The following PHF14 variants were observed in gnomAD, a reference collection of about 807,000 sequenced individuals.
PHF14 encodes the protein PHD finger protein 14.
PHF14 carries 55 observed loss-of-function variants against 117.9 expected under a neutral mutation model. The ratio of observed to expected loss-of-function variants is 0.47; its 90% CI spans 0.38 to 0.58. The LOEUF (loss-of-function observed/expected upper bound fraction) is 0.58, where lower values mean the gene tolerates loss of function less well. Among genes scored for constraint, PHF14 ranks in the 20% least tolerant of loss-of-function variants. The pLI is 0.00. For synonymous variants in PHF14, 409 were observed against 368.6 expected, an observed-to-expected ratio of 1.11 and a Z score of -1.26; for missense variants, 978 against 1,122.2, an observed-to-expected ratio of 0.87 and a Z score of 1.84.
At chr7:10,976,896 T>A (rs1218447734) in intron 2 of PHF14, among the ~76,000 whole-genome samples, 3 of 150,594 alleles carry the variant, frequency 2.0e-5, no homozygotes, top group African/African-American at 7.3e-5. Context: ...AAATTTGTGA[T>A]CTGTGGTCTC....
At chr7:11,059,323 C>T (rs1562444684) in intron 14 of PHF14, among the ~76,000 whole-genome samples, 1 of 152,158 alleles carries the variant, frequency 6.6e-6, no homozygotes, top group South Asian at 2.1e-4. Flanking sequence ...CTACATGATA[C>T]ATTTGCTAGT....
At chr7:11,037,697 T>C (rs1246638394) in intron 10 of PHF14, among the ~76,000 whole-genome samples, 1 of 152,192 alleles carries the variant, frequency 6.6e-6, no homozygotes, top group Non-Finnish European at 1.5e-5. Flanking sequence ...TAAAATGTTA[T>C]ACCAAGTATA....
Position 11,169,453 on chromosome 7 carries a change from A to G in PHF14, c.2810A>G (p.Gln937Arg), listed in dbSNP as rs1313389451. The stretch of plus-strand genomic sequence containing the variant: ...GAAGCTGAAAGAAAAAATATATCTC[A>G]GGAGCTCAACATGGAACAGAAAAAT... Reference protein sequence around the residue: ...ENEAERKNISQELNMEQKNPK... With the variant: ...ENEAERKNISRELNMEQKNPK... Residue 937 changes from glutamine (Q) to arginine (R), a missense_variant, in exon 18 of 18, where the codon CAG (glutamine) becomes CGG (arginine). Gln to Arg is a conservative substitution (Grantham distance 43). Transcript: ENST00000634607. 1.3e-6 allele frequency: 2 copies of G among 1,521,536 alleles called. No homozygotes were observed. Among genetic ancestry groups the G allele is most frequent in the Admixed American group, 2.0e-5 (1 of 49,176 alleles). 94.3% of individuals were successfully genotyped at this position (1,521,536 alleles called of 1,614,324 possible).
intron 17 of PHF14, among the ~76,000 whole-genome samples, chr7:11,121,928 T>C (rs1435453391): frequency 6.6e-6 from 1 of 151,860 alleles, no homozygotes; most frequent in African/African-American, 2.4e-5. Flanking sequence ...ACATGTGCCA[T>C]GGTGGTTTGC....
chr7:11,036,282 C>T, intron 8 of PHF14, 136 bp from the exon 9 acceptor site: 1 of 699,666 alleles, frequency 1.4e-6, no homozygotes, highest in South Asian at 1.9e-5. Context: ...AAGGATCATT[C>T]ATACCTATAA....
chr7:11,054,599 C>T (rs1416234311), intron 14 of PHF14, among the ~76,000 whole-genome samples: 1 of 152,002 alleles, frequency 6.6e-6, no homozygotes, highest in African/African-American at 2.4e-5. Flanking sequence ...CTTTTTTAAT[C>T]AATAGGTGGT....
intron 6 of PHF14, among the ~76,000 whole-genome samples, chr7:11,025,422 A>G (rs1052890329): frequency 3.3e-5 from 5 of 152,252 alleles, no homozygotes; most frequent in African/African-American, 1.2e-4. Flanking sequence ...AAATGCTGTC[A>G]AATAGCATCA....
intron 16 of PHF14, among the ~76,000 whole-genome samples, chr7:11,067,730 C>T (rs542766495): frequency 1.8e-4 from 27 of 152,252 alleles, no homozygotes; most frequent in African/African-American, 6.5e-4. Flanking sequence ...TGGGCATCTG[C>T]ATCTGGTGAG....
intron 17 of PHF14, among the ~76,000 whole-genome samples, chr7:11,144,569 T>C (rs960947385): frequency 6.7e-6 from 1 of 148,692 alleles, no homozygotes; most frequent in Non-Finnish European, 1.5e-5. Flanking sequence ...CTATAATTTA[T>C]AATATATAAA....
chr7:11,049,576 A>G, intron 13 of PHF14, among the ~76,000 whole-genome samples: 1 of 152,132 alleles, frequency 6.6e-6, no homozygotes, highest in East Asian at 1.9e-4. Flanking sequence ...ATTACAATTT[A>G]ATGCTGAAAA....
At chr7:11,138,231 C>G (rs1207985869) in intron 17 of PHF14, among the ~76,000 whole-genome samples, 1 of 151,892 alleles carries the variant, frequency 6.6e-6, no homozygotes, top group Non-Finnish European at 1.5e-5. Context: ...TTAGTAGAGG[C>G]AGGGTTTCAC....
At chr7:11,002,410 G>T (rs1262961529) in intron 4 of PHF14, among the ~76,000 whole-genome samples, 2 of 151,794 alleles carry the variant, frequency 1.3e-5, no homozygotes, top group East Asian at 3.9e-4. Flanking sequence ...TGACAGTGAG[G>T]TTTCTAAAAA....
At chr7:11,051,065 G>C (rs1203212153) in intron 13 of PHF14, among the ~76,000 whole-genome samples, 1 of 151,950 alleles carries the variant, frequency 6.6e-6, no homozygotes, top group Non-Finnish European at 1.5e-5. Context: ...TTTAAGACAG[G>C]GTCTTGCTCA....
chr7:10,977,634 A>G (rs1257518705), intron 2 of PHF14, among the ~76,000 whole-genome samples: 1 of 152,190 alleles, frequency 6.6e-6, no homozygotes. Flanking sequence ...TTTTTAATGC[A>G]AAAGCAAAAG....
At chr7:10,981,071 G>A (rs749011567) in intron 2 of PHF14, among the ~76,000 whole-genome samples, 1 of 152,068 alleles carries the variant, frequency 6.6e-6, no homozygotes, top group Admixed American at 6.6e-5. Context: ...AATTTTGCTT[G>A]CAGGATGTTT....
intron 16 of PHF14, chr7:11,104,782 AT>A: frequency 3.1e-6 from 2 of 651,028 alleles, no homozygotes; most frequent in Non-Finnish European, 3.8e-6. Flanking sequence ...GGAGTTTCTG[AT>A]TTAGTAGAAA....
chr7:11,122,426 CACGTATATATATAT>C (rs1356736064), intron 17 of PHF14, among the ~76,000 whole-genome samples: 2 of 124,786 alleles, frequency 1.6e-5, no homozygotes, highest in Non-Finnish European at 3.5e-5. Context: ...TATATATATA[CACGTATATATATAT>C]ACGTATATAT....
intron 16 of PHF14, among the ~76,000 whole-genome samples, chr7:11,086,968 T>G (rs1233424850): frequency 6.6e-6 from 1 of 152,174 alleles, no homozygotes; most frequent in Non-Finnish European, 1.5e-5. Flanking sequence ...GTATGTACTA[T>G]TAGTTTTTGC....
At chr7:11,141,015 A>G (rs761636085) in intron 17 of PHF14, among the ~76,000 whole-genome samples, 20 of 152,222 alleles carry the variant, frequency 1.3e-4, no homozygotes, top group Non-Finnish European at 2.2e-4. Context: ...GTTCTGAGGA[A>G]CATAAGACAG....
Sources: gnomAD v4.1 joint callset for allele counts (sites outside exome capture counted in the v4.1 genomes callset) on GRCh38, gnomAD v4.1.1 for gene constraint, MANE v1.5 for transcripts, NCBI Gene and HGNC (gene_info 2026-07-23, HGNC 2026-07-21) for gene names.